The following BMPR1B variants were observed in gnomAD, a reference collection of about 807,000 sequenced individuals.
BMPR1B encodes bone morphogenetic protein receptor type 1B.
BMPR1B carries 12 observed loss-of-function variants against 59.1 expected under a neutral mutation model. That is an observed-to-expected ratio of 0.20 (90% CI 0.13 to 0.33). The LOEUF (loss-of-function observed/expected upper bound fraction) is 0.33, where lower values mean the gene tolerates loss of function less well. Ranked by LOEUF, BMPR1B falls within the 10% of genes least tolerant of loss-of-function variation. The probability of loss-of-function intolerance (pLI) is 1.00; values close to 1 mark genes in which losing one functional copy is unlikely to be tolerated. For synonymous variants in BMPR1B, 237 were observed against 207.3 expected, an observed-to-expected ratio of 1.14 and a Z score of -1.23; for missense variants, 550 against 610.9, an observed-to-expected ratio of 0.90 and a Z score of 1.05.
intron 3 of BMPR1B, among the ~76,000 whole-genome samples, chr4:95,042,266 G>A (rs1013907003): frequency 5.3e-5 from 8 of 152,150 alleles, no homozygotes; most frequent in African/African-American, 1.2e-4. Context: ...AGGTACCTAC[G>A]TGTGAATAAG....
intron 2 of BMPR1B, among the ~76,000 whole-genome samples, chr4:94,974,221 T>C (rs1355474817): frequency 6.6e-6 from 1 of 152,232 alleles, no homozygotes; most frequent in Non-Finnish European, 1.5e-5. Context: ...ATATTTTTCT[T>C]TCCAATTTAT....
intron 3 of BMPR1B, among the ~76,000 whole-genome samples, chr4:95,046,593 C>G (rs1284843386): frequency 6.6e-6 from 1 of 152,136 alleles, no homozygotes; most frequent in African/African-American, 2.4e-5. Context: ...CTCCGTAAAT[C>G]TAGAATGTGT....
chr4:95,055,767 A>G (rs1726880387), intron 3 of BMPR1B, among the ~76,000 whole-genome samples: 1 of 152,226 alleles, frequency 6.6e-6, no homozygotes, highest in Admixed American at 6.5e-5. Flanking sequence ...TCAAAATGCT[A>G]GCAACCGTAT....
At chr4:95,126,378 T>G (rs1732903763) in intron 8 of BMPR1B, among the ~76,000 whole-genome samples, 1 of 152,216 alleles carries the variant, frequency 6.6e-6, no homozygotes. Flanking sequence ...AAAATAATAT[T>G]TGGCTCACAT....
At chr4:94,764,982 G>C (rs1413572899) in intron 1 of BMPR1B, among the ~76,000 whole-genome samples, 1 of 152,110 alleles carries the variant, frequency 6.6e-6, no homozygotes. Flanking sequence ...AAAATAAACG[G>C]TGCAGCAGTA....
rs180968366 is a variant in BMPR1B, at chr4:95,017,165, G to T, written c.-18+21031G>T. 5.4e-3 allele frequency among the ~76,000 whole-genome samples: 816 copies of T among 152,252 alleles called. 1 individual carries two copies. The highest frequency in any genetic ancestry group is 0.017 in the Middle Eastern group (5 of 292). On this transcript the variant is annotated intron_variant, in intron 3 of 12. Transcript: ENST00000515059. ...CAGAAGATGCCCAAGTGAGGAATTT[G>T]CAAGGTTTCTTTTCACTCTTCAGCA...
In BMPR1B at chr4:95,154,898, TG is replaced by T. The variant is rs1405525916; in HGVS notation, c.*228del. The T allele has an allele frequency of 1.4e-5, 8 of 556,200 alleles. No individual in the cohort carries two copies. The highest frequency in any genetic ancestry group is 1.3e-4 in the African/African-American group (7 of 52,652). The allele number at this position is 556,200 out of a possible 1,614,324, so 34.5% of individuals were successfully genotyped here. A position where few individuals can be genotyped will look rare whatever the true frequency, so the allele number is the denominator to read the frequency against. On this transcript the variant is annotated 3_prime_UTR_variant, in exon 13 of 13. Transcript: ENST00000515059. ...CTGTTTGTAGGACGGAGAAACCGCT[TG>T]GGTAACTTGTTCAAGATATGATGCA...
intron 2 of BMPR1B, among the ~76,000 whole-genome samples, chr4:94,993,930 A>G (rs1157805060): frequency 6.6e-6 from 1 of 152,192 alleles, no homozygotes; most frequent in East Asian, 1.9e-4. Context: ...TTACTTAAAT[A>G]CATAGTGATT....
intron 3 of BMPR1B, among the ~76,000 whole-genome samples, chr4:95,072,688 T>A (rs1206129006): frequency 1.3e-5 from 2 of 152,224 alleles, no homozygotes; most frequent in African/African-American, 4.8e-5. Flanking sequence ...TTAAGAAAAC[T>A]ACATACTTAT....
intron 3 of BMPR1B, among the ~76,000 whole-genome samples, chr4:95,028,769 A>G (rs1724601136): frequency 6.6e-6 from 1 of 152,086 alleles, no homozygotes; most frequent in Non-Finnish European, 1.5e-5. Context: ...CTAGAAATCT[A>G]CCGTTTCTAA....
At chr4:94,847,693 C>A (rs1725390772) in intron 1 of BMPR1B, among the ~76,000 whole-genome samples, 1 of 152,016 alleles carries the variant, frequency 6.6e-6, no homozygotes, top group Admixed American at 6.6e-5. Context: ...CAGAGAAAGA[C>A]AAACTTTGCA....
At chr4:94,812,931 C>T (rs932851214) in intron 1 of BMPR1B, among the ~76,000 whole-genome samples, 1 of 151,778 alleles carries the variant, frequency 6.6e-6, no homozygotes, top group Non-Finnish European at 1.5e-5. Context: ...AGTTAAAATG[C>T]ACACAAAATT....
intron 2 of BMPR1B, among the ~76,000 whole-genome samples, chr4:94,970,279 C>A (rs1730725486): frequency 8.6e-6 from 1 of 115,782 alleles, no homozygotes; most frequent in Non-Finnish European, 1.9e-5. Context: ...CTCTTCTCTT[C>A]TCTTCTCTTC....
At chr4:95,085,434 G>C (rs1729502816) in intron 3 of BMPR1B, among the ~76,000 whole-genome samples, 1 of 152,114 alleles carries the variant, frequency 6.6e-6, no homozygotes, top group African/African-American at 2.4e-5. Flanking sequence ...GGAGACATCT[G>C]GGTCTCAAAG....
intron 3 of BMPR1B, among the ~76,000 whole-genome samples, chr4:95,047,065 T>C (rs1001944525): frequency 6.6e-6 from 1 of 152,208 alleles, no homozygotes; most frequent in Non-Finnish European, 1.5e-5. Flanking sequence ...ATAAACTTTT[T>C]ATTTTATAAT....
chr4:94,967,867 G>A (rs114368809), intron 2 of BMPR1B, among the ~76,000 whole-genome samples: 4,400 of 152,168 alleles, frequency 0.029, 204 homozygotes, highest in African/African-American at 0.1. Context: ...GTAAGAATAC[G>A]CTATTCATGT....
chr4:95,012,391 G>T (rs1723286426), intron 3 of BMPR1B, among the ~76,000 whole-genome samples: 1 of 152,208 alleles, frequency 6.6e-6, no homozygotes, highest in Non-Finnish European at 1.5e-5. Flanking sequence ...CCTTACGTCT[G>T]TCAGAAGGAA....
At chr4:95,126,950 C>G (rs1480272450) in intron 8 of BMPR1B, among the ~76,000 whole-genome samples, 2 of 151,716 alleles carry the variant, frequency 1.3e-5, no homozygotes, top group African/African-American at 4.8e-5. Context: ...TTTATACGTG[C>G]CCTTTAATTT....
At chr4:95,077,997 G>A (rs1728837876) in intron 3 of BMPR1B, among the ~76,000 whole-genome samples, 2 of 152,206 alleles carry the variant, frequency 1.3e-5, no homozygotes, top group Admixed American at 1.3e-4. Flanking sequence ...CTAAGCAGCT[G>A]TAAATATGAG....
Sources: gnomAD v4.1 joint callset for allele counts (sites outside exome capture counted in the v4.1 genomes callset) on GRCh38, gnomAD v4.1.1 for gene constraint, MANE v1.5 for transcripts, NCBI Gene and HGNC (gene_info 2026-07-23, HGNC 2026-07-21) for gene names.